The following ECSIT variants were observed in gnomAD, a reference collection of about 807,000 sequenced individuals.
The protein encoded by ECSIT is evolutionarily conserved signaling intermediate in Toll pathway, mitochondrial.
In ECSIT, 29 loss-of-function variants were observed where a neutral mutation model predicts 36.8. That is an observed-to-expected ratio of 0.79 (90% confidence interval 0.59 to 1.08). The LOEUF (loss-of-function observed/expected upper bound fraction) is 1.08. ECSIT is among the 50% of genes least tolerant of loss of function. The probability of loss-of-function intolerance (pLI) is 0.00; values close to 1 mark genes in which losing one functional copy is unlikely to be tolerated. For synonymous variants in ECSIT, 231 were observed against 234.8 expected (o/e 0.98, Z 0.15); for missense variants, 542 against 581.0 (o/e 0.93, Z 0.69).
Position 11,507,553 on chromosome 19 carries a change from C to T in ECSIT, c.955G>A (p.Glu319Lys). 6.2e-7 allele frequency: 1 copy of T among 1,614,116 alleles called. No homozygotes were observed. Among genetic ancestry groups the T allele is most frequent in the Non-Finnish European group, 8.5e-7 (1 of 1,180,024 alleles). ...TAGAGGTTCCACTCCTCCGGCGTCT[C>T]TTCCACTTCCTACTCCAAGGTGGGG... Reference protein sequence around the residue: ...LLPPEEREVEETPEEWNLYYP... With the variant: ...LLPPEEREVEKTPEEWNLYYP... The change falls in exon 7 of 8, where the codon GAG becomes AAG. Residue 319 changes from glutamate (E) to lysine (K), a missense_variant. By Grantham distance (56) the Glu-to-Lys change is moderately conservative. Transcript: ENST00000270517.
In ECSIT at chr19:11,525,259, A is replaced by C. The variant is rs1972190627; in HGVS notation, c.-24+3803T>G. On this transcript the variant is annotated intron_variant, in intron 1 of 7. Coordinates refer to ENST00000270517, the MANE Select transcript of ECSIT (RefSeq NM_016581.5). ...CTCGGTGGCTCATGCCTGTAATCCTAGCACTTTGGGAGGCCATGGTGGGAG... is the reference window on the plus strand; with the variant it reads ...CTCGGTGGCTCATGCCTGTAATCCTCGCACTTTGGGAGGCCATGGTGGGAG... 2.0e-5 allele frequency among the ~76,000 whole-genome samples: 3 copies of C among 152,214 alleles called. No individual in the cohort carries two copies. The South Asian group carries it at 6.2e-4, about 31-fold the overall frequency.
intron 7 of ECSIT, 148 bp downstream of exon 7, chr19:11,507,309 G>A: frequency 1.5e-6 from 1 of 675,100 alleles, no homozygotes; most frequent in South Asian, 1.6e-5. Flanking sequence ...TTGACACAGG[G>A]TCTATCATGT....
At position 11,521,906 on chromosome 19, in the gene ECSIT, C is replaced by T. The variant is rs549714344; in HGVS notation, c.-23-2713G>A. 3.9e-4 allele frequency: 65 copies of T among 167,344 alleles called. 2 individuals are homozygous for T. In the South Asian group the frequency reaches 9.2e-3, roughly 24 times the overall value. 10.4% of individuals were successfully genotyped at this position (167,344 alleles called of 1,614,324 possible). On this transcript the variant is annotated intron_variant, in intron 1 of 7. Transcript: ENST00000270517. ...CCAACGTGGCAAAACCCCATCTCTA[C>T]TAAAAATACAAAAATTAGCCAGGCT... is the stretch of plus-strand genomic sequence containing the variant.
chr19:11,527,667 G>A (rs994179271), intron 1 of ECSIT, among the ~76,000 whole-genome samples: 4 of 152,042 alleles, frequency 2.6e-5, no homozygotes, highest in African/African-American at 9.7e-5. Context: ...ACTCTAGCCT[G>A]GGCAACATAC....
chr19:11,523,273 T>A (rs773501073), intron 1 of ECSIT, among the ~76,000 whole-genome samples: 1 of 152,164 alleles, frequency 6.6e-6, no homozygotes, highest in Non-Finnish European at 1.5e-5. Flanking sequence ...CCTGATTTTC[T>A]TAATAACATT....
At chr19:11,522,700 G>A (rs959086989) in intron 1 of ECSIT, among the ~76,000 whole-genome samples, 4 of 151,796 alleles carry the variant, frequency 2.6e-5, no homozygotes, top group Non-Finnish European at 5.9e-5. Context: ...GTGACCGAGT[G>A]AGACTCTGTC....
chr19:11,512,037 A>AAAAC (rs1555739421), intron 4 of ECSIT, among the ~76,000 whole-genome samples: 4 of 151,558 alleles, frequency 2.6e-5, no homozygotes, highest in Non-Finnish European at 4.4e-5. Flanking sequence ...TCTCAAAAAA[A>AAAAC]AAACAAACAA....
chr19:11,523,365 C>A (rs1972147779), intron 1 of ECSIT: 2 of 430,186 alleles, frequency 4.6e-6, no homozygotes, highest in Non-Finnish European at 8.3e-6. Context: ...CCTTTCCCTG[C>A]CACTGCCGAG....
At position 11,514,225 on chromosome 19, in the gene ECSIT, G is replaced by T; in HGVS notation, c.97-4C>A. The stretch of plus-strand genomic sequence containing the variant: ...CCCGAGGGAGCCGGCGAGGGACCTG[G>T]GGAGGGAGGAGAACTGCTGGAATCT... On this transcript the variant is annotated splice_region_variant and splice_polypyrimidine_tract_variant and intron_variant, in intron 2 of 7. Transcript: ENST00000270517. 1 of 1,597,320 alleles carries T rather than the reference G, an allele frequency of 6.3e-7. No individual in the cohort carries two copies. The highest frequency in any genetic ancestry group is 1.7e-5 in the Admixed American group (1 of 58,108).
chr19:11,506,913 G>A (rs986134231), intron 7 of ECSIT, among the ~76,000 whole-genome samples: 8 of 152,112 alleles, frequency 5.3e-5, no homozygotes, highest in African/African-American at 7.2e-5. Context: ...CACTTCACCC[G>A]GGCGATGACT....
chr19:11,523,510 C>A, intron 1 of ECSIT: 1 of 1,093,208 alleles, frequency 9.1e-7, no homozygotes, highest in Non-Finnish European at 1.4e-6. Flanking sequence ...TGAAGACCGC[C>A]CTCATCCACG....
intron 2 of ECSIT, among the ~76,000 whole-genome samples, chr19:11,515,104 C>CT (rs576893211): frequency 0.22 from 28,309 of 127,118 alleles, 6,997 homozygotes; most frequent in African/African-American, 0.62. Flanking sequence ...CTCCCCAAGT[C>CT]TTTTTTTTTT....
At position 11,513,162 on chromosome 19, in the gene ECSIT, T is replaced by C. The variant is rs202141211; in HGVS notation, c.632A>G (p.Asn211Ser). 3.7e-4 allele frequency: 598 copies of C among 1,613,860 alleles called. 1 individual carries two copies. The highest frequency in any genetic ancestry group is 7.5e-4 in the Admixed American group (45 of 59,968). The change falls in exon 4 of 8, where the codon AAC (asparagine) becomes AGC (serine). Residue 211 changes from asparagine to serine, a missense_variant. Coordinates refer to ENST00000270517, the MANE Select transcript of ECSIT (RefSeq NM_016581.5). Reference protein sequence around the residue: ...KLWFPRFMNVNPFPVPRDLPQ... With the variant: ...KLWFPRFMNVSPFPVPRDLPQ... ...CAGGTCCCGGGGCACTGGGAAGGGG[T>C]TGACGTTCATGAATCGAGGGAACCA...
intron 2 of ECSIT, 108 bp from the exon 3 acceptor site, chr19:11,514,329 G>A (rs191209046): frequency 1.0e-5 from 11 of 1,071,782 alleles, no homozygotes; most frequent in African/African-American, 3.2e-5. Flanking sequence ...CTGAGGACTC[G>A]GAGGTATGGA....
chr19:11,513,893 C>T lies in ECSIT; in HGVS notation c.425G>A (p.Arg142Gln), dbSNP rs202196502. Residue 142 changes from arginine (R) to glutamine (Q), a missense_variant, in exon 3 of 8, where the codon CGG becomes CAG. By Grantham distance (43) the Arg-to-Gln change is conservative. Coordinates refer to ENST00000270517, the MANE Select transcript of ECSIT (RefSeq NM_016581.5). ...GATGCGCTGGATGATGTTGCGAGGC[C>T]GGAAGACCTCCTTGGGGAAGATGTT... is the stretch of plus-strand genomic sequence containing the variant. ...LLNIFPKEVFRPRNIIQRIFV... is the reference protein window; with the variant it reads ...LLNIFPKEVFQPRNIIQRIFV... 1,911 of 1,614,162 alleles carry T rather than the reference C, an allele frequency of 1.2e-3. 25 individuals are homozygous for T. The South Asian group carries it at 0.02, about 17-fold the overall frequency.
chr19:11,523,806 A>G (rs1372585794), intron 1 of ECSIT: 5 of 638,268 alleles, frequency 7.8e-6, no homozygotes, highest in Non-Finnish European at 1.5e-5. Context: ...GATGTCATCC[A>G]AGAGTACTTC....
rs996870176 is a variant in ECSIT at position 11,519,973 on chromosome 19, A to AAAAAAAAAAAAAGAAG, written c.-23-796_-23-781dup. 1 of 144,568 alleles carries AAAAAAAAAAAAAGAAG rather than the reference A, an allele frequency of 6.9e-6. No individual in the cohort carries two copies. Among genetic ancestry groups the AAAAAAAAAAAAAGAAG allele is most frequent in the African/African-American group, 2.5e-5 (1 of 39,764 alleles). The allele number at this position is 144,568 out of a possible 1,614,324, so 9.0% of individuals were successfully genotyped here. A position where few individuals can be genotyped will look rare whatever the true frequency, so the allele number is the denominator to read the frequency against. On this transcript the variant is annotated intron_variant, in intron 1 of 7. Coordinates refer to ENST00000270517, the MANE Select transcript of ECSIT (RefSeq NM_016581.5). The surrounding 1 kb of genome is among the most constrained non-coding windows in gnomAD (Gnocchi z 4.4). ...AACAACAGCAAAACTCCATCTCCAGAAAAAAAAAAAAAGAAGAAAAAAAAA... is the reference window on the plus strand; with the variant it reads ...AACAACAGCAAAACTCCATCTCCAGAAAAAAAAAAAAAGAAGAAAAAAAAAAAAGAAGAAAAAAAAA...
intron 4 of ECSIT, among the ~76,000 whole-genome samples, chr19:11,512,713 T>G (rs927327633): frequency 6.6e-6 from 1 of 151,376 alleles, no homozygotes; most frequent in African/African-American, 2.4e-5. Flanking sequence ...GGCAGGAGGA[T>G]TGCTTGAGCC....
At chr19:11,514,254 A>C in intron 2 of ECSIT, 33 bp from the exon 3 acceptor site, 1 of 1,570,162 alleles carries the variant, frequency 6.4e-7, no homozygotes, top group Admixed American at 1.9e-5. Context: ...GGAATCTGGC[A>C]CCTCTCAGTG....
Sources: allele counts gnomAD v4.1 joint callset (sites outside exome capture counted in the v4.1 genomes callset), GRCh38; gene constraint gnomAD v4.1.1; non-coding constraint Gnocchi (gnomAD v3.1); transcripts MANE v1.5; gene names NCBI Gene and HGNC (gene_info 2026-07-23, HGNC 2026-07-21).